B3GALT1: variants seen among roughly 807,000 people sequenced by gnomAD.
B3GALT1 encodes the protein UDP-Gal:betaGlcNAc beta 1,3-galactosyltransferase, polypeptide 1.
In B3GALT1, 10 loss-of-function variants were observed where a neutral mutation model predicts 23.2. That is an observed-to-expected ratio of 0.43 (90% confidence interval 0.27 to 0.73). B3GALT1 has a LOEUF of 0.73. Among genes scored for constraint, B3GALT1 ranks in the 30% least tolerant of loss-of-function variants. The pLI, the probability that B3GALT1 is intolerant of heterozygous loss-of-function variation, is 0.21. For synonymous variants in B3GALT1, 156 were observed against 141.5 expected (o/e 1.10, Z -0.73); for missense variants, 299 against 405.4 (o/e 0.74, Z 2.25).
chr2:167,767,623 G>A (rs1687999912), intron 3 of B3GALT1, among the ~76,000 whole-genome samples: 1 of 152,030 alleles, frequency 6.6e-6, no homozygotes. Context: ...ATTTTCCATG[G>A]GCAATGTGAA....
chr2:167,421,484 T>C (rs1698545912), intron 1 of B3GALT1, among the ~76,000 whole-genome samples: 1 of 152,212 alleles, frequency 6.6e-6, no homozygotes, highest in Non-Finnish European at 1.5e-5. Context: ...ATGTAGTTAC[T>C]CTTTATAGGT....
intron 2 of B3GALT1, among the ~76,000 whole-genome samples, chr2:167,593,354 A>G (rs1415748735): frequency 6.6e-6 from 1 of 152,224 alleles, no homozygotes; most frequent in Non-Finnish European, 1.5e-5. Flanking sequence ...GCAGTAATAC[A>G]TGTATAAAAT....
chr2:167,444,603 A>G (rs186626527), intron 1 of B3GALT1, among the ~76,000 whole-genome samples: 4 of 152,122 alleles, frequency 2.6e-5, no homozygotes, highest in Non-Finnish European at 5.9e-5. Context: ...GGGAGGGTGC[A>G]TGTGTCCAGG....
Position 167,612,367 on chromosome 2 carries a change from T to TTTATTATTATTATTATTA in B3GALT1, c.-409-34530_-409-34513dup, listed in dbSNP as rs3062675. On this transcript the variant is annotated intron_variant, in intron 2 of 4. Transcript: ENST00000392690. ...TGGTTTTAGCAGATATTATTAGGCC[T>TTTATTATTATTATTATTA]TTATTATTATTATTATTATTATTAT... Among the ~76,000 whole-genome samples, 515 of 145,126 alleles carry TTTATTATTATTATTATTA rather than the reference T, an allele frequency of 3.5e-3. 7 individuals carry two copies. The highest frequency in any genetic ancestry group is 0.011 in the African/African-American group (438 of 39,796).
intron 3 of B3GALT1, among the ~76,000 whole-genome samples, chr2:167,663,454 A>G (rs1364869969): frequency 6.6e-6 from 1 of 152,148 alleles, no homozygotes; most frequent in East Asian, 1.9e-4. Flanking sequence ...AGCACGATTT[A>G]TAGTCCTTTG....
rs1474265889 is a variant in B3GALT1, at chr2:167,868,823, G to A, written c.-217G>A. 3 of 510,828 alleles carry A rather than the reference G, an allele frequency of 5.9e-6. No homozygotes were observed. The highest frequency in any genetic ancestry group is 3.8e-5 in the African/African-American group (2 of 52,778). The allele number at this position is 510,828 out of a possible 1,614,324, so 31.6% of individuals were successfully genotyped here. On this transcript the variant is annotated 5_prime_UTR_variant, in exon 5 of 5. Transcript: ENST00000392690. Reference sequence around the variant, plus strand: ...ATTGATTTTGCAGAGTTAAGAGGAAGATTTATGAGTCATGGAACCCTCCAT... The same window carrying A: ...ATTGATTTTGCAGAGTTAAGAGGAAAATTTATGAGTCATGGAACCCTCCAT...
intron 3 of B3GALT1, chr2:167,713,634 T>C: frequency 7.9e-7 from 1 of 1,260,722 alleles, no homozygotes; most frequent in Non-Finnish European, 1.1e-6. Flanking sequence ...AAAGTTGCTT[T>C]TGAAGAAAGC....
rs534850895 is a variant in B3GALT1, at chr2:167,645,717, G to A, written c.-409-1192G>A. Among the ~76,000 whole-genome samples the A allele has an allele frequency of 2.6e-5, 4 of 151,982 alleles. No individual in the cohort carries two copies. The South Asian group carries it at 8.3e-4, about 32-fold the overall frequency. ...TGAGTAGGCGGGATTACAGGCATGA[G>A]CCACCATGCCTGGCTCATTTCTTTT... On this transcript the variant is annotated intron_variant, in intron 2 of 4. Transcript: ENST00000392690.
intron 2 of B3GALT1, among the ~76,000 whole-genome samples, chr2:167,563,898 G>GGT (rs1553467922): frequency 0.01 from 29 of 2,780 alleles, 1 homozygote; most frequent in African/African-American, 0.024. Flanking sequence ...CGGCCGGCCG[G>GGT]GCGGGGCCGA....
chr2:167,869,253 A>G lies in B3GALT1; in HGVS notation c.214A>G (p.Lys72Glu). ...SFEFLINEPN[K>E]CEKNIPFLVI... The stretch of plus-strand genomic sequence containing the variant: ...TGAATTTCTTATCAACGAGCCCAAT[A>G]AATGTGAGAAAAACATTCCTTTTCT... The change falls in exon 5 of 5, where the codon AAA becomes GAA. Residue 72 changes from lysine to glutamate, a missense_variant. Around this residue, in one of 3 missense-constraint regions of B3GALT1, gnomAD observed 162 missense variants for 184.1 expected, o/e 0.88. Coordinates refer to ENST00000392690, the MANE Select transcript of B3GALT1 (RefSeq NM_020981.4). The surrounding 1 kb of genome is among the most constrained non-coding windows in gnomAD (Gnocchi z 6.4). The G allele has an allele frequency of 6.2e-7, 1 of 1,614,178 alleles. No homozygotes were observed. The highest frequency in any genetic ancestry group is 8.5e-7 in the Non-Finnish European group (1 of 1,180,022).
At chr2:167,804,138 C>T (rs1688697860) in intron 3 of B3GALT1, among the ~76,000 whole-genome samples, 1 of 151,934 alleles carries the variant, frequency 6.6e-6, no homozygotes, top group East Asian at 1.9e-4. Context: ...TACAGGTGGG[C>T]ACCACCACGT....
chr2:167,335,393 A>G (rs1697042897), intron 1 of B3GALT1, among the ~76,000 whole-genome samples: 1 of 152,164 alleles, frequency 6.6e-6, no homozygotes, highest in Non-Finnish European at 1.5e-5. Context: ...GTTTTAACGG[A>G]GGTGATTCCA....
chr2:167,643,633 T>G (rs758741397), intron 2 of B3GALT1, among the ~76,000 whole-genome samples: 4 of 152,074 alleles, frequency 2.6e-5, no homozygotes, highest in Admixed American at 1.3e-4. Flanking sequence ...TCTTTTCCCA[T>G]AGTCATCATG....
At chr2:167,820,306 T>G (rs980816725) in intron 4 of B3GALT1, among the ~76,000 whole-genome samples, 9 of 152,228 alleles carry the variant, frequency 5.9e-5, no homozygotes, top group African/African-American at 2.2e-4. Flanking sequence ...AGGTGGAACC[T>G]GCTTTAGAAA....
intron 1 of B3GALT1, among the ~76,000 whole-genome samples, chr2:167,472,129 G>A (rs1178503328): frequency 6.6e-6 from 1 of 152,092 alleles, no homozygotes; most frequent in Non-Finnish European, 1.5e-5. Context: ...TACATGTTTG[G>A]CTCTTCAGGA....
At chr2:167,338,175 T>G (rs1419052354) in intron 1 of B3GALT1, among the ~76,000 whole-genome samples, 1 of 152,198 alleles carries the variant, frequency 6.6e-6, no homozygotes, top group Non-Finnish European at 1.5e-5. Context: ...CAATATCTGT[T>G]ATTTTCTTAG....
At chr2:167,457,375 G>C (rs112872468) in intron 1 of B3GALT1, among the ~76,000 whole-genome samples, 2 of 151,838 alleles carry the variant, frequency 1.3e-5, no homozygotes, top group Non-Finnish European at 2.9e-5. Flanking sequence ...GTTTCACCAT[G>C]TCGGGCAGGC....
At chr2:167,602,506 C>G (rs760191473) in intron 2 of B3GALT1, among the ~76,000 whole-genome samples, 3 of 152,132 alleles carry the variant, frequency 2.0e-5, no homozygotes, top group Non-Finnish European at 4.4e-5. Flanking sequence ...ATTTATGGTA[C>G]AGGCCTTGAT....
chr2:167,383,893 T>G (rs1207355840), intron 1 of B3GALT1, among the ~76,000 whole-genome samples: 1 of 152,200 alleles, frequency 6.6e-6, no homozygotes, highest in Non-Finnish European at 1.5e-5. Context: ...TGATTAACGT[T>G]TTATATTTTA....
Sources: gnomAD v4.1 joint callset for allele counts (sites outside exome capture counted in the v4.1 genomes callset) on GRCh38, gnomAD v4.1.1 for gene constraint, gnomAD v4.1.1 regional missense constraint, Gnocchi (gnomAD v3.1) non-coding constraint, MANE v1.5 for transcripts, NCBI Gene and HGNC (gene_info 2026-07-23, HGNC 2026-07-21) for gene names.